Variants in IL1RAPL2 observed in about 807,000 individuals in gnomAD.
IL1RAPL2 encodes the protein interleukin 1 receptor accessory protein like 2.
IL1RAPL2 carries 3 observed loss-of-function variants against 44.1 expected under a neutral mutation model. That is an observed-to-expected ratio of 0.07 (90% CI 0.03 to 0.18). The LOEUF is 0.18. IL1RAPL2 is among the 10% of genes least tolerant of loss of function. The probability of loss-of-function intolerance (pLI) is 1.00; values close to 1 mark genes in which losing one functional copy is unlikely to be tolerated. For synonymous variants in IL1RAPL2, 181 were observed against 178.8 expected (o/e 1.01, Z -0.10); for missense variants, 391 against 496.4 (o/e 0.79, Z 2.02).
intron 4 of IL1RAPL2, among the ~76,000 whole-genome samples, chrX:105,247,583 G>T (rs2034230067): frequency 1.2e-5 from 1 of 84,005 alleles, no homozygotes; most frequent in Non-Finnish European, 2.0e-5. Flanking sequence ...TAGAATAGAA[G>T]TGTGTGTGTA....
At chrX:105,346,573 G>A (rs1483075052) in intron 5 of IL1RAPL2, among the ~76,000 whole-genome samples, 1 of 111,930 alleles carries the variant, frequency 8.9e-6, no homozygotes. Flanking sequence ...GCTTCATTTT[G>A]TGACAACAGC....
chrX:105,001,037 C>T (rs1001398745), intron 2 of IL1RAPL2, among the ~76,000 whole-genome samples: 1 of 111,458 alleles, frequency 9.0e-6, no homozygotes, highest in African/African-American at 3.3e-5. Flanking sequence ...CATCCTTCTT[C>T]TATTCTGCCT....
chrX:105,150,079 T>C (rs2033213417), intron 2 of IL1RAPL2, among the ~76,000 whole-genome samples: 1 of 110,456 alleles, frequency 9.1e-6, no homozygotes, highest in African/African-American at 3.3e-5. Context: ...AAGACACTCA[T>C]GTATCAGATT....
chrX:105,037,663 C>T (rs190679368), intron 2 of IL1RAPL2, among the ~76,000 whole-genome samples: 200 of 111,790 alleles, frequency 1.8e-3, no homozygotes, highest in African/African-American at 6.0e-3. Flanking sequence ...AAGGCTAGCA[C>T]TGTCATTTGT....
intron 6 of IL1RAPL2, among the ~76,000 whole-genome samples, chrX:105,517,907 G>A (rs1447510084): frequency 1.8e-5 from 2 of 111,596 alleles, no homozygotes; most frequent in African/African-American, 3.2e-5. Context: ...AGGAGCCAGG[G>A]AAGAGGACAG....
chrX:105,063,664 TG>T (rs1287233049), intron 2 of IL1RAPL2, among the ~76,000 whole-genome samples: 1 of 111,903 alleles, frequency 8.9e-6, no homozygotes, highest in African/African-American at 3.3e-5. Context: ...TATTTTAGTC[TG>T]GGTTTCTTTT....
intron 5 of IL1RAPL2, among the ~76,000 whole-genome samples, chrX:105,316,251 G>A (rs749731062): frequency 9.0e-6 from 1 of 111,132 alleles, no homozygotes; most frequent in Admixed American, 9.6e-5. Flanking sequence ...TCCAGCCTGG[G>A]TGACAGAGCA....
At chrX:105,309,825 ATATC>A (rs1379703379) in intron 5 of IL1RAPL2, among the ~76,000 whole-genome samples, 1 of 111,827 alleles carries the variant, frequency 8.9e-6, no homozygotes, top group Non-Finnish European at 1.9e-5. Context: ...GTAAAAGTCT[ATATC>A]TAGGTCAGAA....
chrX:105,341,674 G>A (rs980720273), intron 5 of IL1RAPL2, among the ~76,000 whole-genome samples: 1 of 112,054 alleles, frequency 8.9e-6, no homozygotes, highest in African/African-American at 3.2e-5. Flanking sequence ...GCTCATGCCT[G>A]TAATCCCAGC....
At chrX:105,550,077 G>A (rs917259867) in intron 6 of IL1RAPL2, among the ~76,000 whole-genome samples, 1 of 112,042 alleles carries the variant, frequency 8.9e-6, no homozygotes, top group Non-Finnish European at 1.9e-5. Flanking sequence ...GCTTTACAAA[G>A]CAAAGGCTTT....
At chrX:104,934,169 G>A (rs1924973530) in intron 2 of IL1RAPL2, among the ~76,000 whole-genome samples, 1 of 110,427 alleles carries the variant, frequency 9.1e-6, no homozygotes, top group Non-Finnish European at 1.9e-5. Flanking sequence ...TCTTTTTTGA[G>A]GAAATTCTGG....
intron 2 of IL1RAPL2, among the ~76,000 whole-genome samples, chrX:105,141,664 C>T (rs745875439): frequency 1.8e-5 from 2 of 111,820 alleles, no homozygotes; most frequent in East Asian, 2.8e-4. Flanking sequence ...AACAGTGGCA[C>T]CCTATTATTT....
chrX:105,496,471 T>A (rs2036357418), intron 6 of IL1RAPL2, among the ~76,000 whole-genome samples: 1 of 112,687 alleles, frequency 8.9e-6, no homozygotes, highest in African/African-American at 3.2e-5. Context: ...CATAAGATAA[T>A]TAAGGAAAGT....
intron 2 of IL1RAPL2, among the ~76,000 whole-genome samples, chrX:104,909,792 C>G (rs1395557369): frequency 2.7e-5 from 3 of 112,614 alleles, no homozygotes; most frequent in Non-Finnish European, 5.6e-5. Flanking sequence ...TTACTGCTGT[C>G]TTTTTGTTTG....
intron 6 of IL1RAPL2, among the ~76,000 whole-genome samples, chrX:105,551,293 A>C (rs2036852397): frequency 9.1e-6 from 1 of 109,640 alleles, no homozygotes; most frequent in Non-Finnish European, 1.9e-5. Flanking sequence ...TTACCAAAAA[A>C]AAAAAAAACA....
intron 2 of IL1RAPL2, among the ~76,000 whole-genome samples, chrX:104,942,697 G>C (rs1362694790): frequency 9.0e-6 from 1 of 111,010 alleles, no homozygotes; most frequent in East Asian, 2.8e-4. Flanking sequence ...TCCTTCTCCT[G>C]CCTGATTGCC....
At chrX:104,602,995 C>T (rs1408395345) in intron 1 of IL1RAPL2, among the ~76,000 whole-genome samples, 6 of 111,726 alleles carry the variant, frequency 5.4e-5, no homozygotes, top group East Asian at 5.7e-4. Flanking sequence ...CAGACTACCT[C>T]CTCAAGTGGA....
chrX:104,841,250 C>T (rs988910763), intron 2 of IL1RAPL2, among the ~76,000 whole-genome samples: 3 of 111,360 alleles, frequency 2.7e-5, no homozygotes, highest in Non-Finnish European at 3.8e-5. Flanking sequence ...GTAAATATTC[C>T]CCCACCCCTT....
chrX:104,664,492 C>T (rs1051939399), intron 2 of IL1RAPL2, among the ~76,000 whole-genome samples: 4 of 111,598 alleles, frequency 3.6e-5, no homozygotes, highest in African/African-American at 1.3e-4. Flanking sequence ...GGGGCTCACA[C>T]CATTAGTCCT....
Sources: gnomAD v4.1 joint callset for allele counts (sites outside exome capture counted in the v4.1 genomes callset) on GRCh38, gnomAD v4.1.1 for gene constraint, MANE v1.5 for transcripts, NCBI Gene and HGNC (gene_info 2026-07-23, HGNC 2026-07-21) for gene names.